Variants in APLP1 observed in about 807,000 individuals in gnomAD.
The protein encoded by APLP1 is amyloid beta (A4) precursor-like protein 1.
APLP1 carries 46 observed loss-of-function variants against 84.5 expected under a neutral mutation model. The observed-to-expected ratio is 0.54, with a 90% CI of 0.43 to 0.70. The LOEUF is 0.70. APLP1 is among the 30% of genes least tolerant of loss of function. APLP1 has a pLI of 0.00. For missense variants in APLP1, 826 were observed against 900.2 expected (o/e 0.92, Z 1.05); for synonymous variants, 376 against 364.0 (o/e 1.03, Z -0.38).
chr19:35,869,843 C>T, intron 2 of APLP1, 33 bp downstream of exon 2: 1 of 1,555,910 alleles, frequency 6.4e-7, no homozygotes, highest in Non-Finnish European at 8.7e-7. Flanking sequence ...GGCGGGGCCG[C>T]CCATAGAAAG....
At position 35,879,691 on chromosome 19, in the gene APLP1, G is replaced by T. The variant is rs1332493843; in HGVS notation, c.*250G>T. 1.9e-6 allele frequency: 1 copy of T among 519,518 alleles called. No individual in the cohort carries two copies. The highest frequency in any genetic ancestry group is 3.4e-6 in the Non-Finnish European group (1 of 294,020). 32.2% of individuals were successfully genotyped at this position (519,518 alleles called of 1,614,324 possible). On this transcript the variant is annotated 3_prime_UTR_variant, in exon 17 of 17. Transcript: ENST00000221891. Reference sequence around the variant, plus strand: ...AATTTATTTTTTAAGTTTATTTATGGCTCTTTAAGGTGACCGCCACCTTGG... The same window carrying T: ...AATTTATTTTTTAAGTTTATTTATGTCTCTTTAAGGTGACCGCCACCTTGG...
intron 3 of APLP1, 87 bp from the exon 4 acceptor site, chr19:35,871,150 C>T (rs745388709): frequency 3.9e-6 from 6 of 1,530,846 alleles, no homozygotes; most frequent in Non-Finnish European, 4.4e-6. Context: ...GGCAGAGAAG[C>T]CTCTGAGGAT....
At chr19:35,870,161 G>A in intron 2 of APLP1, 1 of 325,308 alleles carries the variant, frequency 3.1e-6, no homozygotes, top group South Asian at 5.5e-5. Flanking sequence ...CGGAGAGCTG[G>A]GGGGGCGTGG....
chr19:35,876,429 G>A lies in APLP1; in HGVS notation c.1345-88G>A, dbSNP rs375295105. The A allele has an allele frequency of 1.4e-4, 158 of 1,144,790 alleles. 1 individual carries two copies. The African/African-American group carries it at 1.7e-3, about 12-fold the overall frequency. The allele number at this position is 1,144,790 out of a possible 1,614,324, so 70.9% of individuals were successfully genotyped here. A position where few individuals can be genotyped will look rare whatever the true frequency, so the allele number is the denominator to read the frequency against. On this transcript the variant is annotated intron_variant, in intron 10 of 16. Coordinates refer to ENST00000221891, the MANE Select transcript of APLP1 (RefSeq NM_001024807.3). Reference sequence around the variant, plus strand: ...TTGCATGTGCCGCTTTTCCTCAGTCGCTATTGAATTCCTCCTTCATACTGC... The same window carrying A: ...TTGCATGTGCCGCTTTTCCTCAGTCACTATTGAATTCCTCCTTCATACTGC...
rs1277338506 is a variant in APLP1 at position 35,874,078 on chromosome 19, A to G, written c.1056+365A>G. Among the ~76,000 whole-genome samples the G allele has an allele frequency of 6.6e-6, 1 of 151,990 alleles. No homozygotes were observed. Among genetic ancestry groups the G allele is most frequent in the Non-Finnish European group, 1.5e-5 (1 of 67,998 alleles). On this transcript the variant is annotated intron_variant, in intron 8 of 16. Coordinates refer to ENST00000221891, the MANE Select transcript of APLP1 (RefSeq NM_001024807.3). This position sits in a 1 kb window ranked among gnomAD's most constrained non-coding sequence, Gnocchi z 6.4. The stretch of plus-strand genomic sequence containing the variant: ...CCCCTGATTCTGGCTCTGCTGGGCC[A>G]ATCTCACCTTTATTAACCTGACCTA...
At chr19:35,876,486 C>T in intron 10 of APLP1, 31 bp from the exon 11 acceptor site, 1 of 1,571,934 alleles carries the variant, frequency 6.4e-7, no homozygotes, top group African/African-American at 1.3e-5. Context: ...CTGCATTGCG[C>T]AGTTCATCCT....
chr19:35,871,466 A>G, intron 4 of APLP1, 117 bp downstream of exon 4: 1 of 1,354,208 alleles, frequency 7.4e-7, no homozygotes. Context: ...CGCACTTGGG[A>G]TCTAAGAATT....
rs767778170 is a variant in APLP1 at position 35,873,685 on chromosome 19, C to A, written c.1028C>A (p.Pro343His). Residue 343 changes from proline (P) to histidine (H), a missense_variant, in exon 8 of 17, where the codon CCT becomes CAT. By Grantham distance (77) the Pro-to-His change is moderately conservative. Transcript: ENST00000221891. Reference sequence around the variant, plus strand: ...GCAGACAACCAGTCCAAGAACCTGCCTAAAGCCGACAGACAGGCCCTGAAT... The same window carrying A: ...GCAGACAACCAGTCCAAGAACCTGCATAAAGCCGACAGACAGGCCCTGAAT... ...AMADNQSKNLPKADRQALNEH... is the reference protein window; with the variant it reads ...AMADNQSKNLHKADRQALNEH... 6.2e-7 allele frequency: 1 copy of A among 1,614,106 alleles called. No homozygotes were observed. Among genetic ancestry groups the A allele is most frequent in the East Asian group, 2.2e-5 (1 of 44,882 alleles).
At position 35,871,592 on chromosome 19, in the gene APLP1, T is replaced by C; in HGVS notation, c.538-20T>C. ...CCTCCCATCCCACAATCCTGGCATC[T>C]GGGCCCACTCTTCCTACAGGCCTGC... On this transcript the variant is annotated intron_variant, in intron 4 of 16. Transcript: ENST00000221891. 1.2e-6 allele frequency: 2 copies of C among 1,613,268 alleles called. No homozygotes were observed. Among genetic ancestry groups the C allele is most frequent in the Non-Finnish European group, 8.5e-7 (1 of 1,179,848 alleles).
chr19:35,870,868 G>A (rs1486987105), intron 2 of APLP1, 28 bp from the exon 3 acceptor site: 1 of 1,594,414 alleles, frequency 6.3e-7, no homozygotes, highest in Non-Finnish European at 8.5e-7. Flanking sequence ...GGGGCAGTGG[G>A]CTGATTGCCC....
At position 35,869,342 on chromosome 19, in the gene APLP1, C is replaced by A. The variant is rs1423136911; in HGVS notation, c.148-325C>A. 1.3e-5 allele frequency: 7 copies of A among 554,906 alleles called. No homozygotes were observed. In the East Asian group the frequency reaches 2.3e-4, roughly 18 times the overall value. The allele number at this position is 554,906 out of a possible 1,614,324, so 34.4% of individuals were successfully genotyped here. ...ATGGAGGGAGGAGGGGCCAGAACTC[C>A]TGGGTTCTGGCCTCCTCCTCCGCGA... is the stretch of plus-strand genomic sequence containing the variant. On this transcript the variant is annotated intron_variant, in intron 1 of 16. Coordinates refer to ENST00000221891, the MANE Select transcript of APLP1 (RefSeq NM_001024807.3).
rs1226773384 is a variant in APLP1, at chr19:35,879,099, G to A, written c.1739G>A (p.Arg580His). 6.2e-7 allele frequency: 1 copy of A among 1,612,054 alleles called. No homozygotes were observed. Among genetic ancestry groups the A allele is most frequent in the East Asian group, 2.2e-5 (1 of 44,882 alleles). ...ELAPAGTGVS[R>H]EAVSGLLIMG... ...GCACCAGCTGGGACAGGGGTGTCCC[G>A]TGAGGCTGTGTCGGGTCTGCTGATC... Residue 580 changes from arginine (R) to histidine (H), a missense_variant, in exon 16 of 17, where the codon CGT becomes CAT. Coordinates refer to ENST00000221891, the MANE Select transcript of APLP1 (RefSeq NM_001024807.3).
intron 10 of APLP1, among the ~76,000 whole-genome samples, chr19:35,875,308 C>A (rs539495670): frequency 9.3e-5 from 14 of 150,866 alleles, no homozygotes; most frequent in East Asian, 2.0e-4. Context: ...ATTACAGGAG[C>A]CTGCCACCAC....
intron 11 of APLP1, among the ~76,000 whole-genome samples, 172 bp from the exon 12 acceptor site, chr19:35,877,546 G>A (rs1974313275): frequency 6.6e-6 from 1 of 150,804 alleles, no homozygotes; most frequent in African/African-American, 2.4e-5. Flanking sequence ...CATCCTTCCT[G>A]CCAGCAGTGC....
chr19:35,872,089 C>A lies in APLP1; in HGVS notation c.850+53C>A, dbSNP rs1029764244. On this transcript the variant is annotated intron_variant, in intron 6 of 16. Transcript: ENST00000221891. Reference sequence around the variant, plus strand: ...CTCTCCACCATAGAGGGAGAAAGATCTGGGGGAGTCTTGCTGGGGGGTGTC... The same window carrying A: ...CTCTCCACCATAGAGGGAGAAAGATATGGGGGAGTCTTGCTGGGGGGTGTC... The A allele has an allele frequency of 3.8e-6, 6 of 1,570,320 alleles. No individual in the cohort carries two copies. The African/African-American group carries it at 6.8e-5, about 18-fold the overall frequency.
At chr19:35,871,170 G>A in intron 3 of APLP1, 67 bp from the exon 4 acceptor site, 1 of 1,554,138 alleles carries the variant, frequency 6.4e-7, no homozygotes, top group Non-Finnish European at 8.8e-7. Context: ...TAAAATATCT[G>A]GATTCTGAGG....
chr19:35,868,733 G>T lies in APLP1; in HGVS notation c.97G>T (p.Ala33Ser). Residue 33 changes from alanine (A) to serine (S), a missense_variant, in exon 1 of 17, where the codon GCG (alanine) becomes TCG (serine). Transcript: ENST00000221891. This position sits in a 1 kb window ranked among gnomAD's most constrained non-coding sequence, Gnocchi z 5.2. ...LLPLLLLLLR[A>S]QPAIGSLAGG... is the part of the protein sequence containing the mutation. ...GCCACTATTGCTGCTGCTTCTGCGC[G>T]CGCAGCCCGCCATCGGGAGCCTGGC... 1 of 1,391,996 alleles carries T rather than the reference G, an allele frequency of 7.2e-7. No individual in the cohort carries two copies. Among genetic ancestry groups the T allele is most frequent in the Non-Finnish European group, 9.3e-7 (1 of 1,076,882 alleles). 86.2% of individuals were successfully genotyped at this position (1,391,996 alleles called of 1,614,324 possible).
rs1017056332 is a variant in APLP1 at position 35,869,953 on chromosome 19, G to A, written c.291+143G>A. 5.8e-5 allele frequency: 65 copies of A among 1,122,684 alleles called. No homozygotes were observed. In the Admixed American group the frequency reaches 1.8e-3, roughly 31 times the overall value. 69.5% of individuals were successfully genotyped at this position (1,122,684 alleles called of 1,614,324 possible). On this transcript the variant is annotated intron_variant, in intron 2 of 16. Transcript: ENST00000221891. Reference sequence around the variant, plus strand: ...GAGGCGCAACTATGCTAGGGGCAGGGGACCTGTTTTGAGATACTAAGTCAG... The same window carrying A: ...GAGGCGCAACTATGCTAGGGGCAGGAGACCTGTTTTGAGATACTAAGTCAG...
chr19:35,874,440 C>A lies in APLP1; in HGVS notation c.1057-64C>A. On this transcript the variant is annotated intron_variant, in intron 8 of 16. Transcript: ENST00000221891. The surrounding 1 kb of genome is among the most constrained non-coding windows in gnomAD (Gnocchi z 6.4). ...CCCCATGTAGCCCTGCCTTTCCAGG[C>A]TCTCTTTGACCAGGCTTTGACCCAT... is the stretch of plus-strand genomic sequence containing the variant. 2 of 1,589,188 alleles carry A rather than the reference C, an allele frequency of 1.3e-6. No homozygotes were observed. The highest frequency in any genetic ancestry group is 1.7e-6 in the Non-Finnish European group (2 of 1,161,436).
Sources: allele counts gnomAD v4.1 joint callset (sites outside exome capture counted in the v4.1 genomes callset), GRCh38; gene constraint gnomAD v4.1.1; non-coding constraint Gnocchi (gnomAD v3.1); transcripts MANE v1.5; gene names NCBI Gene and HGNC (gene_info 2026-07-23, HGNC 2026-07-21).